FAM78B: variants seen among roughly 807,000 people sequenced by gnomAD.
FAM78B encodes the protein protein FAM78B.
Under a neutral mutation model 20.0 loss-of-function variants are expected in FAM78B, and 10 were observed. That is an observed-to-expected ratio of 0.50 (90% CI 0.31 to 0.85). The LOEUF is 0.85. FAM78B is among the 40% of genes least tolerant of loss of function. The pLI is 0.05. For missense variants in FAM78B, 283 were observed against 345.0 expected, an observed-to-expected ratio of 0.82 and a Z score of 1.42; for synonymous variants, 135 against 132.8, an observed-to-expected ratio of 1.02 and a Z score of -0.12.
intron 1 of FAM78B, among the ~76,000 whole-genome samples, chr1:166,116,632 C>T (rs748472448): frequency 2.0e-5 from 3 of 152,166 alleles, no homozygotes; most frequent in Admixed American, 1.3e-4. Flanking sequence ...TCTCTAGGAC[C>T]CTTCAGAAAG....
intron 1 of FAM78B, among the ~76,000 whole-genome samples, chr1:166,156,754 C>G (rs1253425835): frequency 6.6e-6 from 1 of 152,062 alleles, no homozygotes; most frequent in Non-Finnish European, 1.5e-5. Flanking sequence ...ATTGCACAAC[C>G]TTCCTGAGCA....
intron 1 of FAM78B, among the ~76,000 whole-genome samples, chr1:166,109,912 A>ATATATATATATATATG (rs1653982977): frequency 8.8e-6 from 1 of 113,850 alleles, no homozygotes; most frequent in Non-Finnish European, 1.9e-5. Context: ...ATATATATAT[A>ATATATATATATATATG]TATATATAAT....
At position 166,104,994 on chromosome 1, in the gene FAM78B, T is replaced by C. The variant is rs1653709660; in HGVS notation, c.264-34231A>G. Among the ~76,000 whole-genome samples the C allele has an allele frequency of 3.3e-5, 5 of 152,288 alleles. No homozygotes were observed. In the South Asian group the frequency reaches 1.0e-3, roughly 32 times the overall value. ...AGTAACCAAAACAGCATGGTACTGGTACCTAAACAGACATATAGACCAATG... is the reference window on the plus strand; with the variant it reads ...AGTAACCAAAACAGCATGGTACTGGCACCTAAACAGACATATAGACCAATG... On this transcript the variant is annotated intron_variant, in intron 1 of 1. Coordinates refer to ENST00000354422, the MANE Select transcript of FAM78B (RefSeq NM_001017961.5).
intron 1 of FAM78B, among the ~76,000 whole-genome samples, chr1:166,159,310 T>C (rs963903923): frequency 6.6e-6 from 1 of 152,136 alleles, no homozygotes; most frequent in African/African-American, 2.4e-5. Context: ...ACTTACTTGA[T>C]GTATGGCCTC....
intron 1 of FAM78B, among the ~76,000 whole-genome samples, chr1:166,127,069 T>C (rs1418646174): frequency 6.6e-6 from 1 of 152,224 alleles, no homozygotes; most frequent in Non-Finnish European, 1.5e-5. Flanking sequence ...GGTCTTTCTC[T>C]CTCTTACTGG....
At chr1:166,087,516 A>G (rs2101732101) in intron 1 of FAM78B, 1 of 152,294 alleles carries the variant, frequency 6.6e-6, no homozygotes, top group East Asian at 1.9e-4. Context: ...TGTCTTGAGC[A>G]CCTAGCGTAC....
At chr1:166,104,379 T>A (rs12141766) in intron 1 of FAM78B, among the ~76,000 whole-genome samples, 29,780 of 151,746 alleles carry the variant, frequency 0.2, 3,315 homozygotes, top group East Asian at 0.38. Context: ...GAAGGAAATA[T>A]AGGGTATTCA....
At chr1:166,078,482 T>C (rs1462779967) in intron 1 of FAM78B, among the ~76,000 whole-genome samples, 1 of 152,256 alleles carries the variant, frequency 6.6e-6, no homozygotes, top group African/African-American at 2.4e-5. Context: ...ACATTGATTA[T>C]GGCAACGTTC....
intron 1 of FAM78B, among the ~76,000 whole-genome samples, chr1:166,128,311 A>G (rs1242142174): frequency 1.3e-5 from 2 of 152,076 alleles, no homozygotes; most frequent in African/African-American, 2.4e-5. Context: ...TGAGCACTCA[A>G]TGGACTGGAG....
At chr1:166,146,429 A>G (rs1469625637) in intron 1 of FAM78B, among the ~76,000 whole-genome samples, 24 of 152,222 alleles carry the variant, frequency 1.6e-4, no homozygotes, top group Non-Finnish European at 1.9e-4. Flanking sequence ...AATAATAAAT[A>G]AGGGCTGCTG....
intron 2 of FAM78B, among the ~76,000 whole-genome samples, chr1:166,062,849 G>A (rs933744353): frequency 1.6e-4 from 24 of 152,208 alleles, no homozygotes; most frequent in Non-Finnish European, 3.2e-4. Context: ...ATTGGATCAC[G>A]TCTGTGTGGA....
rs529513094 is a variant in FAM78B, at chr1:166,116,700, T to C, written c.264-45937A>G. On this transcript the variant is annotated intron_variant, in intron 1 of 1. Coordinates refer to ENST00000354422, the MANE Select transcript of FAM78B (RefSeq NM_001017961.5). Reference sequence around the variant, plus strand: ...ATGTATTTCATCTTCCAGTGTATTTTTTCCAATTGGAGTTGTCCTACAGTA... The same window carrying C: ...ATGTATTTCATCTTCCAGTGTATTTCTTCCAATTGGAGTTGTCCTACAGTA... Among the ~76,000 whole-genome samples, 6 of 152,342 alleles carry C rather than the reference T, an allele frequency of 3.9e-5. No individual in the cohort carries two copies. The East Asian group carries it at 1.2e-3, about 29-fold the overall frequency.
intron 2 of FAM78B, among the ~76,000 whole-genome samples, chr1:166,062,322 A>C (rs950873332): frequency 1.3e-5 from 2 of 152,348 alleles, no homozygotes; most frequent in East Asian, 3.9e-4. Flanking sequence ...TTTGATACAG[A>C]AAGCAGGCTT....
At chr1:166,103,697 T>G (rs1422535218) in intron 1 of FAM78B, among the ~76,000 whole-genome samples, 2 of 152,172 alleles carry the variant, frequency 1.3e-5, no homozygotes, top group African/African-American at 4.8e-5. Context: ...ACTCTGAAAT[T>G]GAGGCAATAA....
At chr1:166,067,360 T>C (rs1033569272), downstream of FAM78B, among the ~76,000 whole-genome samples, 1 of 152,144 alleles carries the variant, frequency 6.6e-6, no homozygotes, top group South Asian at 2.1e-4. Context: ...GAAATGCTTT[T>C]TCCTACGTAA....
intron 1 of FAM78B, among the ~76,000 whole-genome samples, chr1:166,109,093 G>T (rs1653897749): frequency 1.3e-5 from 2 of 152,158 alleles, no homozygotes; most frequent in Non-Finnish European, 2.9e-5. Flanking sequence ...CTAGACATTG[G>T]CTTAGGCAAG....
intron 1 of FAM78B, among the ~76,000 whole-genome samples, chr1:166,119,213 C>G (rs1446018858): frequency 1.3e-5 from 2 of 152,180 alleles, no homozygotes; most frequent in African/African-American, 4.8e-5. Flanking sequence ...ACAACTGTCT[C>G]GAGTTCAACT....
chr1:166,062,720 G>A (rs1451308062), intron 2 of FAM78B, among the ~76,000 whole-genome samples: 1 of 152,214 alleles, frequency 6.6e-6, no homozygotes, highest in Non-Finnish European at 1.5e-5. Context: ...GGTACGTGAG[G>A]GAGTGAAGTG....
At chr1:166,157,770 T>C (rs150682797) in intron 1 of FAM78B, among the ~76,000 whole-genome samples, 10 of 152,282 alleles carry the variant, frequency 6.6e-5, no homozygotes, top group East Asian at 3.9e-4. Context: ...TGGGTGACTG[T>C]CTGCTGGGGC....
Sources: gnomAD v4.1 joint callset for allele counts (sites outside exome capture counted in the v4.1 genomes callset) on GRCh38, gnomAD v4.1.1 for gene constraint, MANE v1.5 for transcripts, NCBI Gene and HGNC (gene_info 2026-07-23, HGNC 2026-07-21) for gene names.